Variants in ANAPC4 observed in about 807,000 individuals in gnomAD.
ANAPC4 encodes anaphase-promoting complex subunit 4.
In ANAPC4, 63 loss-of-function variants were observed where a neutral mutation model predicts 119.8. The observed-to-expected ratio is 0.53, with a 90% CI of 0.43 to 0.65. The LOEUF (loss-of-function observed/expected upper bound fraction) is 0.65, where lower values mean the gene tolerates loss of function less well. Ranked by LOEUF, ANAPC4 falls within the 30% of genes least tolerant of loss-of-function variation. The pLI, the probability that ANAPC4 is intolerant of heterozygous loss-of-function variation, is 0.00. For synonymous variants in ANAPC4, 283 were observed against 318.6 expected (o/e 0.89, Z 1.19); for missense variants, 716 against 945.1 (o/e 0.76, Z 3.18).
chr4:25,387,625 GTC>G (rs1722111517), intron 4 of ANAPC4, among the ~76,000 whole-genome samples: 1 of 152,136 alleles, frequency 6.6e-6, no homozygotes, highest in Admixed American at 6.6e-5. Flanking sequence ...CGATTCCAGG[GTC>G]TCTCAAGACA....
intron 4 of ANAPC4, among the ~76,000 whole-genome samples, chr4:25,384,569 T>G (rs1403719565): frequency 6.6e-6 from 1 of 152,232 alleles, no homozygotes; most frequent in Non-Finnish European, 1.5e-5. Flanking sequence ...AGCTCATGCC[T>G]GTAATCCCAG....
chr4:25,384,387 G>A (rs1177318482), intron 4 of ANAPC4, among the ~76,000 whole-genome samples: 1 of 152,180 alleles, frequency 6.6e-6, no homozygotes, highest in Non-Finnish European at 1.5e-5. Flanking sequence ...TTGATATTTT[G>A]ACTTCTTCCC....
intron 21 of ANAPC4, among the ~76,000 whole-genome samples, chr4:25,412,492 T>G (rs1723627334): frequency 6.6e-6 from 1 of 151,916 alleles, no homozygotes; most frequent in Admixed American, 6.6e-5. Flanking sequence ...GTTGCCTCAT[T>G]AAAACAAAAG....
At chr4:25,400,031 A>G (rs1268483326) in intron 16 of ANAPC4, among the ~76,000 whole-genome samples, 1 of 152,212 alleles carries the variant, frequency 6.6e-6, no homozygotes, top group Non-Finnish European at 1.5e-5. Flanking sequence ...TTATTAGGAT[A>G]GTGACCTTGA....
chr4:25,380,055 C>G (rs1194329840), intron 2 of ANAPC4, among the ~76,000 whole-genome samples: 1 of 152,194 alleles, frequency 6.6e-6, no homozygotes, highest in South Asian at 2.1e-4. Flanking sequence ...GACTGTATTA[C>G]AGCTAGCTAC....
At chr4:25,413,607 C>T (rs777643987) in intron 21 of ANAPC4, 38 bp from the exon 22 acceptor site, 7 of 1,497,928 alleles carry the variant, frequency 4.7e-6, no homozygotes, top group Non-Finnish European at 5.5e-6. Context: ...TTTGCTATAG[C>T]TTCTTTTATT....
At chr4:25,392,953 G>A (rs906918841) in intron 10 of ANAPC4, among the ~76,000 whole-genome samples, 29 of 152,160 alleles carry the variant, frequency 1.9e-4, no homozygotes, top group Admixed American at 1.4e-3. Context: ...ACGGGGCATC[G>A]AGGGTGCAAG....
chr4:25,413,542 G>C lies in ANAPC4; in HGVS notation c.1526-103G>C, dbSNP rs1427153694. The C allele has an allele frequency of 1.7e-5, 13 of 774,636 alleles. No homozygotes were observed. In the Admixed American group the frequency reaches 3.0e-4, roughly 18 times the overall value. The allele number at this position is 774,636 out of a possible 1,614,324, so 48.0% of individuals were successfully genotyped here. A position where few individuals can be genotyped will look rare whatever the true frequency, so the allele number is the denominator to read the frequency against. On this transcript the variant is annotated intron_variant, in intron 21 of 28. Coordinates refer to ENST00000315368, the MANE Select transcript of ANAPC4 (RefSeq NM_013367.3). ...AAGTGGTCAGTGAAAATTCTACCTC[G>C]AGATAAACTGTGCAGACTGGCTCTA...
intron 21 of ANAPC4, among the ~76,000 whole-genome samples, chr4:25,411,190 T>A (rs1327332146): frequency 1.3e-5 from 2 of 152,168 alleles, no homozygotes; most frequent in Non-Finnish European, 2.9e-5. Flanking sequence ...CAGGAGACGC[T>A]ACTTATTTAC....
chr4:25,403,004 AT>A lies in ANAPC4; in HGVS notation c.1254del (p.Arg419GlyfsTer8). On this transcript the variant is annotated frameshift_variant, in exon 17 of 29. Transcript: ENST00000315368. LOFTEE classifies it high-confidence loss of function. ...IDSSMKNFKA[F>X]FRWLYVAMLR... ...ATAGTAGTATGAAAAACTTCAAAGC[AT>A]TTTTTCGGTGGCTTTATGTGGGTAA... 1.9e-6 allele frequency: 3 copies of A among 1,602,816 alleles called. No individual in the cohort carries two copies. The highest frequency in any genetic ancestry group is 2.3e-5 in the East Asian group (1 of 44,334).
intron 14 of ANAPC4, 85 bp from the exon 15 acceptor site, chr4:25,396,579 A>G: frequency 1.0e-6 from 1 of 988,010 alleles, no homozygotes. Context: ...TTCAGTTTTT[A>G]TTTCTGAAAA....
At position 25,418,479 on chromosome 4, in the gene ANAPC4, C is replaced by T; in HGVS notation, c.*97C>T. 1 of 990,848 alleles carries T rather than the reference C, an allele frequency of 1.0e-6. No homozygotes were observed. The highest frequency in any genetic ancestry group is 2.7e-5 in the Admixed American group (1 of 37,340). The allele number at this position is 990,848 out of a possible 1,614,324, so 61.4% of individuals were successfully genotyped here. On this transcript the variant is annotated 3_prime_UTR_variant, in exon 29 of 29. Coordinates refer to ENST00000315368, the MANE Select transcript of ANAPC4 (RefSeq NM_013367.3). Reference sequence around the variant, plus strand: ...CACCTTTGTGTAACAAAGAAATAAACAGTAAATTTTATTTTTTCATATTCT... The same window carrying T: ...CACCTTTGTGTAACAAAGAAATAAATAGTAAATTTTATTTTTTCATATTCT...
At position 25,414,029 on chromosome 4, in the gene ANAPC4, T is replaced by TAA. The variant is rs1723723253; in HGVS notation, c.1623+287_1623+288insAA. The TAA allele has an allele frequency of 1.1e-5, 5 of 475,138 alleles. No homozygotes were observed. The South Asian group carries it at 1.8e-4, about 17-fold the overall frequency. 29.4% of individuals were successfully genotyped at this position (475,138 alleles called of 1,614,324 possible). ...AGAAATTCATTGTAAACAGTCTTAG[T>TAA]TACAGAGCTGATGTGTCTCTGCTTA... On this transcript the variant is annotated intron_variant, in intron 22 of 28. Transcript: ENST00000315368.
At chr4:25,388,212 G>A (rs1450081451) in intron 4 of ANAPC4, among the ~76,000 whole-genome samples, 1 of 152,148 alleles carries the variant, frequency 6.6e-6, no homozygotes, top group Non-Finnish European at 1.5e-5. Flanking sequence ...CAGTATCTGA[G>A]TACATATGAA....
At chr4:25,399,572 A>G (rs1722842169) in intron 16 of ANAPC4, among the ~76,000 whole-genome samples, 1 of 152,092 alleles carries the variant, frequency 6.6e-6, no homozygotes, top group Non-Finnish European at 1.5e-5. Flanking sequence ...TCAAGTTGTC[A>G]TATCCAGCAG....
At chr4:25,384,930 C>G (rs1721948098) in intron 4 of ANAPC4, among the ~76,000 whole-genome samples, 1 of 152,166 alleles carries the variant, frequency 6.6e-6, no homozygotes, top group South Asian at 2.1e-4. Context: ...GGTGACCAGT[C>G]ATGAATGAGC....
At chr4:25,397,647 G>C (rs1722730060) in intron 16 of ANAPC4, among the ~76,000 whole-genome samples, 1 of 151,984 alleles carries the variant, frequency 6.6e-6, no homozygotes, top group Non-Finnish European at 1.5e-5. Flanking sequence ...AGGGTTATTG[G>C]TTTTCACATA....
chr4:25,380,233 CTG>C (rs1721634328), intron 2 of ANAPC4, 139 bp from the exon 3 acceptor site: 1 of 521,676 alleles, frequency 1.9e-6, no homozygotes. Context: ...CATTCAGACA[CTG>C]TTGTCTTTTT....
chr4:25,380,347 C>T (rs1721644094), intron 2 of ANAPC4, 27 bp from the exon 3 acceptor site: 2 of 1,541,902 alleles, frequency 1.3e-6, no homozygotes, highest in Non-Finnish European at 1.8e-6. Flanking sequence ...TTTTTAATTT[C>T]CTGCCATTAT....
Sources: gnomAD v4.1 joint callset for allele counts (sites outside exome capture counted in the v4.1 genomes callset) on GRCh38, gnomAD v4.1.1 for gene constraint, MANE v1.5 for transcripts, NCBI Gene and HGNC (gene_info 2026-07-23, HGNC 2026-07-21) for gene names.